ENOX1: variants seen among roughly 807,000 people sequenced by gnomAD.
The protein encoded by ENOX1 is ecto-NOX disulfide-thiol exchanger 1.
Under a neutral mutation model 82.5 loss-of-function variants are expected in ENOX1, and 42 were observed. The ratio of observed to expected loss-of-function variants is 0.51; its 90% CI spans 0.40 to 0.66. ENOX1 has a LOEUF of 0.66. Among genes scored for constraint, ENOX1 ranks in the 30% least tolerant of loss-of-function variants. ENOX1 has a pLI of 0.00. For synonymous variants in ENOX1, 271 were observed against 282.2 expected, an observed-to-expected ratio of 0.96 and a Z score of 0.40; for missense variants, 608 against 811.6, an observed-to-expected ratio of 0.75 and a Z score of 3.05.
chr13:43,717,922 T>C (rs1233190772), intron 1 of ENOX1, among the ~76,000 whole-genome samples: 1 of 152,130 alleles, frequency 6.6e-6, no homozygotes, highest in East Asian at 1.9e-4. Context: ...GAATCACATA[T>C]ACACAATGGT....
chr13:43,616,099 TATAG>T lies in ENOX1; in HGVS notation c.-219+51376_-219+51379del, dbSNP rs1245137770. ...GTTTGACATTATATATATATATCTATATAGATAGATATCTATAGATCTATAGATA... is the reference window on the plus strand; with the variant it reads ...GTTTGACATTATATATATATATCTATATAGATATCTATAGATCTATAGATA... On this transcript the variant is annotated intron_variant, in intron 2 of 16. Coordinates refer to ENST00000690772, the MANE Select transcript of ENOX1 (RefSeq NM_001347969.2). 1.8e-4 allele frequency among the ~76,000 whole-genome samples: 13 copies of T among 74,090 alleles called. 1 individual carries two copies. Among genetic ancestry groups the T allele is most frequent in the South Asian group, 4.8e-4 (1 of 2,076 alleles). 48.6% of individuals were successfully genotyped at this position (74,090 alleles called of 152,430 possible). A position where few individuals can be genotyped will look rare whatever the true frequency, so the allele number is the denominator to read the frequency against.
intron 2 of ENOX1, among the ~76,000 whole-genome samples, chr13:43,563,786 T>C (rs1180031068): frequency 6.6e-6 from 1 of 151,984 alleles, no homozygotes; most frequent in Non-Finnish European, 1.5e-5. Flanking sequence ...CTACCAATAT[T>C]GAACCATGAA....
intron 2 of ENOX1, among the ~76,000 whole-genome samples, chr13:43,642,254 T>C (rs1057515283): frequency 6.6e-6 from 1 of 152,144 alleles, no homozygotes; most frequent in Non-Finnish European, 1.5e-5. Flanking sequence ...AGGTCCAGTT[T>C]TATCTGTCTC....
chr13:43,357,161 G>A (rs957554339), intron 7 of ENOX1, among the ~76,000 whole-genome samples: 12 of 152,254 alleles, frequency 7.9e-5, no homozygotes, highest in Non-Finnish European at 1.8e-4. Context: ...ACAGCTGCTG[G>A]GGGCTGCCAG....
In ENOX1 at chr13:43,679,674, C is replaced by A. The variant is rs1303176207; in HGVS notation, c.-284-12130G>T. On this transcript the variant is annotated intron_variant, in intron 1 of 16. Coordinates refer to ENST00000690772, the MANE Select transcript of ENOX1 (RefSeq NM_001347969.2). The stretch of plus-strand genomic sequence containing the variant: ...ATTGGGTTAAATTATCCCTAAGATC[C>A]TTTTCAACACTTATATTCTATGATC... Among the ~76,000 whole-genome samples, 13 of 152,250 alleles carry A rather than the reference C, an allele frequency of 8.5e-5. No homozygotes were observed. The East Asian group carries it at 2.3e-3, about 27-fold the overall frequency.
At chr13:43,691,061 C>T (rs1245483119) in intron 1 of ENOX1, among the ~76,000 whole-genome samples, 2 of 152,182 alleles carry the variant, frequency 1.3e-5, no homozygotes, top group Admixed American at 1.3e-4. Flanking sequence ...TTTGTTTAGT[C>T]AGATCCTTCT....
At chr13:43,717,287 G>A (rs1439464363) in intron 1 of ENOX1, among the ~76,000 whole-genome samples, 1 of 152,142 alleles carries the variant, frequency 6.6e-6, no homozygotes, top group Non-Finnish European at 1.5e-5. Flanking sequence ...AATATGCAAT[G>A]GGGAAAGGAC....
At chr13:43,683,813 T>C (rs972236722) in intron 1 of ENOX1, among the ~76,000 whole-genome samples, 1 of 152,076 alleles carries the variant, frequency 6.6e-6, no homozygotes, top group African/African-American at 2.4e-5. Context: ...GTTATTTCAC[T>C]GCCTCTGGCC....
intron 2 of ENOX1, among the ~76,000 whole-genome samples, chr13:43,581,122 A>AT (rs1351057664): frequency 1.2e-5 from 1 of 85,096 alleles, no homozygotes; most frequent in East Asian, 2.8e-4. Flanking sequence ...GCACTACCTG[A>AT]TTCTTTTTTT....
At chr13:43,633,141 T>C (rs1408652490) in intron 2 of ENOX1, among the ~76,000 whole-genome samples, 7 of 152,216 alleles carry the variant, frequency 4.6e-5, no homozygotes, top group Non-Finnish European at 1.0e-4. Context: ...ATATAATGTT[T>C]ATAGCAGTAA....
At chr13:43,245,765 C>T (rs2153464228) in intron 14 of ENOX1, among the ~76,000 whole-genome samples, 1 of 152,322 alleles carries the variant, frequency 6.6e-6, no homozygotes, top group Admixed American at 6.5e-5. Context: ...GAGAGATAAT[C>T]TGAAAGCAGA....
rs58912569 is a variant in ENOX1, at chr13:43,589,216, GAAA to G, written c.-219+78260_-219+78262del. Among the ~76,000 whole-genome samples, 520 of 79,752 alleles carry G rather than the reference GAAA, an allele frequency of 6.5e-3. 3 individuals are homozygous for G. Among genetic ancestry groups the G allele is most frequent in the East Asian group, 0.029 (76 of 2,604 alleles). The allele number at this position is 79,752 out of a possible 152,430, so 52.3% of individuals were successfully genotyped here. On this transcript the variant is annotated intron_variant, in intron 2 of 16. Transcript: ENST00000690772. Reference sequence around the variant, plus strand: ...GAACCCAGAGCTTTGGACATTAATGGAAAAAAAAAAAAAAAAAAAAAAAGCAAA... The same window carrying G: ...GAACCCAGAGCTTTGGACATTAATGGAAAAAAAAAAAAAAAAAAAAGCAAA...
At chr13:43,756,394 C>G (rs1489665232) in intron 1 of ENOX1, among the ~76,000 whole-genome samples, 1 of 149,014 alleles carries the variant, frequency 6.7e-6, no homozygotes, top group African/African-American at 2.5e-5. Flanking sequence ...GATCGTACCA[C>G]TGCACTCCGG....
chr13:43,701,257 C>T lies in ENOX1; in HGVS notation c.-284-33713G>A, dbSNP rs148978824. 2.5e-3 allele frequency among the ~76,000 whole-genome samples: 378 copies of T among 152,284 alleles called. 5 individuals are homozygous for T. Among genetic ancestry groups the T allele is most frequent in the Admixed American group, 0.018 (279 of 15,294 alleles). On this transcript the variant is annotated intron_variant, in intron 1 of 16. Transcript: ENST00000690772. ...CGTGCATTTGTAAAAAATAACATTT[C>T]TCAAGATCTCAGCAATTTGTGTGAC...
At chr13:43,613,794 G>T (rs2082293569) in intron 2 of ENOX1, among the ~76,000 whole-genome samples, 1 of 152,102 alleles carries the variant, frequency 6.6e-6, no homozygotes, top group Admixed American at 6.5e-5. Flanking sequence ...AGCCGGGCAT[G>T]GTGGTAGGTG....
At chr13:43,731,012 G>A (rs1434081082) in intron 1 of ENOX1, among the ~76,000 whole-genome samples, 2 of 152,070 alleles carry the variant, frequency 1.3e-5, no homozygotes, top group Admixed American at 6.6e-5. Context: ...TGGGGGCAGA[G>A]GCAGTTTCTT....
intron 11 of ENOX1, among the ~76,000 whole-genome samples, chr13:43,305,371 T>C (rs970201566): frequency 6.6e-6 from 1 of 152,200 alleles, no homozygotes; most frequent in African/African-American, 2.4e-5. Flanking sequence ...ATATGTGCAG[T>C]GTGTATTCGA....
intron 14 of ENOX1, among the ~76,000 whole-genome samples, chr13:43,257,074 C>T (rs972389569): frequency 1.3e-5 from 2 of 152,094 alleles, no homozygotes; most frequent in African/African-American, 2.4e-5. Context: ...TTAGACACCA[C>T]GTGTTCTCAC....
intron 2 of ENOX1, among the ~76,000 whole-genome samples, chr13:43,528,924 T>A (rs765795323): frequency 6.6e-6 from 1 of 152,108 alleles, no homozygotes; most frequent in Non-Finnish European, 1.5e-5. Flanking sequence ...AGAGAAATTA[T>A]CTTATTTATT....
Sources: allele counts gnomAD v4.1 joint callset (sites outside exome capture counted in the v4.1 genomes callset), GRCh38; gene constraint gnomAD v4.1.1; transcripts MANE v1.5; gene names NCBI Gene and HGNC (gene_info 2026-07-23, HGNC 2026-07-21).